TEC: variants seen among roughly 807,000 people sequenced by gnomAD.
The protein encoded by TEC is tec protein tyrosine kinase.
Under a neutral mutation model 93.0 loss-of-function variants are expected in TEC, and 72 were observed. The observed-to-expected ratio is 0.77, with a 90% CI of 0.64 to 0.94. TEC has a LOEUF of 0.94. Among genes scored for constraint, TEC ranks in the 40% least tolerant of loss-of-function variants. The probability of loss-of-function intolerance (pLI) is 0.00; values close to 1 mark genes in which losing one functional copy is unlikely to be tolerated. For missense variants in TEC, 630 were observed against 757.9 expected, an observed-to-expected ratio of 0.83 and a Z score of 1.98; for synonymous variants, 249 against 247.7, an observed-to-expected ratio of 1.01 and a Z score of -0.05.
chr4:48,245,479 G>A (rs1407216357), intron 1 of TEC, among the ~76,000 whole-genome samples: 1 of 152,028 alleles, frequency 6.6e-6, no homozygotes, highest in Non-Finnish European at 1.5e-5. Flanking sequence ...ACCCCACCCA[G>A]TATTTAATTT....
At chr4:48,176,269 T>C in intron 2 of TEC, 83 bp from the exon 3 acceptor site, 1 of 1,006,552 alleles carries the variant, frequency 9.9e-7, no homozygotes, top group Non-Finnish European at 1.5e-6. Flanking sequence ...AATTTTGCTC[T>C]GATTCAAAAT....
intron 2 of TEC, among the ~76,000 whole-genome samples, chr4:48,195,408 G>A (rs888067673): frequency 6.6e-6 from 1 of 152,126 alleles, no homozygotes; most frequent in African/African-American, 2.4e-5. Context: ...AGCAGAGATG[G>A]CACATTTCTT....
chr4:48,232,764 C>CAACAATAGAATTTTGGAAACTGGAA (rs1723683461), intron 1 of TEC, among the ~76,000 whole-genome samples: 1 of 152,122 alleles, frequency 6.6e-6, no homozygotes, highest in African/African-American at 2.4e-5. Flanking sequence ...AAAAAGGAAA[C>CAACAATAGAATTTTGGAAACTGGAA]AACAATAGAA....
At position 48,168,637 on chromosome 4, in the gene TEC, C is replaced by T; in HGVS notation, c.455-11G>A. 1 of 1,599,162 alleles carries T rather than the reference C, an allele frequency of 6.3e-7. No homozygotes were observed. The highest frequency in any genetic ancestry group is 1.1e-5 in the South Asian group (1 of 87,456). On this transcript the variant is annotated splice_polypyrimidine_tract_variant and intron_variant, in intron 5 of 17. Transcript: ENST00000381501. ...GTGCTTTTCTTATACCTGAAAATGC[C>T]AACAACAAAAACAGATTAAAATGCT...
chr4:48,260,798 G>A (rs908206926), intron 1 of TEC, among the ~76,000 whole-genome samples: 4 of 152,124 alleles, frequency 2.6e-5, no homozygotes, highest in Non-Finnish European at 5.9e-5. Flanking sequence ...GTAACATAAT[G>A]CTCCTTAATT....
intron 3 of TEC, among the ~76,000 whole-genome samples, chr4:48,174,501 A>G (rs1425461656): frequency 1.3e-5 from 2 of 152,158 alleles, no homozygotes; most frequent in Admixed American, 6.6e-5. Flanking sequence ...TCTACTAAAA[A>G]TACAAAAATT....
intron 2 of TEC, among the ~76,000 whole-genome samples, chr4:48,188,909 G>A (rs974134543): frequency 2.6e-5 from 4 of 152,072 alleles, no homozygotes; most frequent in South Asian, 4.1e-4. Context: ...GCATATGCGC[G>A]CACACACGCA....
intron 14 of TEC, 104 bp downstream of exon 14, chr4:48,144,975 T>G: frequency 2.0e-6 from 2 of 978,180 alleles, no homozygotes; most frequent in Non-Finnish European, 3.2e-6. Flanking sequence ...GGTGAAAGAT[T>G]GTTAAGAACA....
intron 1 of TEC, among the ~76,000 whole-genome samples, chr4:48,230,282 C>T (rs1482861001): frequency 6.6e-6 from 1 of 152,006 alleles, no homozygotes; most frequent in Non-Finnish European, 1.5e-5. Flanking sequence ...GATTGGTCAT[C>T]ATCCAATCAG....
Position 48,145,043 on chromosome 4 carries a change from C to T in TEC, c.1470+36G>A, listed in dbSNP as rs1467658058. ...GCTGAGCCAGTGTTACAAAGGAATT[C>T]AGCCAATGAGTGGGAATATGGGTGG... is the stretch of plus-strand genomic sequence containing the variant. On this transcript the variant is annotated intron_variant, in intron 14 of 17. Coordinates refer to ENST00000381501, the MANE Select transcript of TEC (RefSeq NM_003215.3). 2.5e-6 allele frequency: 4 copies of T among 1,591,510 alleles called. No homozygotes were observed. The Admixed American group carries it at 6.7e-5, about 27-fold the overall frequency.
At chr4:48,182,059 G>C (rs28578119) in intron 2 of TEC, among the ~76,000 whole-genome samples, 99,775 of 151,972 alleles carry the variant, frequency 0.66, 32,797 homozygotes, top group Admixed American at 0.75. Context: ...AAGGCAGGCA[G>C]ATCACTTGAG....
chr4:48,247,268 G>C (rs1032080265), intron 1 of TEC, among the ~76,000 whole-genome samples: 1 of 152,198 alleles, frequency 6.6e-6, no homozygotes, highest in Non-Finnish European at 1.5e-5. Context: ...GGAGAAATCA[G>C]AACCCTCACA....
intron 15 of TEC, among the ~76,000 whole-genome samples, chr4:48,140,558 G>T (rs1355098452): frequency 6.6e-6 from 1 of 152,084 alleles, no homozygotes; most frequent in African/African-American, 2.4e-5. Context: ...TTCAGATCTG[G>T]CAGGCCATAC....
At chr4:48,206,872 T>C (rs560788769) in intron 2 of TEC, among the ~76,000 whole-genome samples, 2 of 151,358 alleles carry the variant, frequency 1.3e-5, no homozygotes, top group Admixed American at 6.6e-5. Flanking sequence ...GGCAGAAGGA[T>C]TGGTTGAACC....
rs1719393903 is a variant in TEC at position 48,135,941 on chromosome 4, A to G, written c.*1475T>C. 6.6e-6 allele frequency: 1 copy of G among 151,804 alleles called. No individual in the cohort carries two copies. Among genetic ancestry groups the G allele is most frequent in the Non-Finnish European group, 1.5e-5 (1 of 68,090 alleles). 9.4% of individuals were successfully genotyped at this position (151,804 alleles called of 1,614,324 possible). On this transcript the variant is annotated 3_prime_UTR_variant, in exon 18 of 18. Transcript: ENST00000381501. Reference sequence around the variant, plus strand: ...GGGTCAGAGTGAAGGCGCTGCCCAGAGCAGCCAGCCTGTGTGTTCACCCAA... The same window carrying G: ...GGGTCAGAGTGAAGGCGCTGCCCAGGGCAGCCAGCCTGTGTGTTCACCCAA...
At chr4:48,167,749 C>T in intron 7 of TEC, 29 bp downstream of exon 7, 3 of 1,605,526 alleles carry the variant, frequency 1.9e-6, no homozygotes, top group Non-Finnish European at 2.6e-6. Flanking sequence ...CTACCCACTG[C>T]ATATCACACA....
At chr4:48,235,094 G>C (rs1269028423) in intron 1 of TEC, among the ~76,000 whole-genome samples, 1 of 152,034 alleles carries the variant, frequency 6.6e-6, no homozygotes, top group Non-Finnish European at 1.5e-5. Flanking sequence ...AAGCTGATTA[G>C]TAACATCAAG....
At position 48,179,349 on chromosome 4, in the gene TEC, TATATATATATATATATATATATA is replaced by T. The variant is rs1560392991; in HGVS notation, c.139-3186_139-3164del. 5.2e-4 allele frequency among the ~76,000 whole-genome samples: 15 copies of T among 29,010 alleles called. 1 individual carries two copies. Among genetic ancestry groups the T allele is most frequent in the South Asian group, 1.4e-3 (1 of 698 alleles). 19.0% of individuals were successfully genotyped at this position (29,010 alleles called of 152,430 possible). A position where few individuals can be genotyped will look rare whatever the true frequency, so the allele number is the denominator to read the frequency against. On this transcript the variant is annotated intron_variant, in intron 2 of 17. Transcript: ENST00000381501. ...TAATGACGTGGGTAGTATATATATA[TATATATATATATATATATATATA>T]TATATTTTTTTTTTTTTTTTTTTTT...
intron 3 of TEC, among the ~76,000 whole-genome samples, chr4:48,171,930 G>A (rs4695340): frequency 0.38 from 57,722 of 152,092 alleles, 11,984 homozygotes; most frequent in East Asian, 0.9. Flanking sequence ...ATCAAGGTAC[G>A]AGTTTTTCTA....
Sources: gnomAD v4.1 joint callset for allele counts (sites outside exome capture counted in the v4.1 genomes callset) on GRCh38, gnomAD v4.1.1 for gene constraint, MANE v1.5 for transcripts, NCBI Gene and HGNC (gene_info 2026-07-23, HGNC 2026-07-21) for gene names.